RARB: variants seen among roughly 807,000 people sequenced by gnomAD.
The protein encoded by RARB is HBV-activated protein.
RARB carries 17 observed loss-of-function variants against 51.9 expected under a neutral mutation model. The observed-to-expected ratio is 0.33, with a 90% CI of 0.22 to 0.49. The LOEUF (loss-of-function observed/expected upper bound fraction) is 0.49, where lower values mean the gene tolerates loss of function less well. Among genes scored for constraint, RARB ranks in the 20% least tolerant of loss-of-function variants. The probability of loss-of-function intolerance (pLI) is 0.99; values close to 1 mark genes in which losing one functional copy is unlikely to be tolerated. For missense variants in RARB, 369 were observed against 550.8 expected, an observed-to-expected ratio of 0.67 and a Z score of 3.30; for synonymous variants, 215 against 195.4, an observed-to-expected ratio of 1.10 and a Z score of -0.84.
At chr3:25,526,791 G>A (rs1431116061) in intron 3 of RARB, among the ~76,000 whole-genome samples, 1 of 152,102 alleles carries the variant, frequency 6.6e-6, no homozygotes, top group African/African-American at 2.4e-5. Flanking sequence ...ATCTAAGCTG[G>A]TACTTAGCGG....
intron 1 of RARB, among the ~76,000 whole-genome samples, chr3:24,844,640 T>G (rs1166446769): frequency 1.3e-5 from 2 of 152,354 alleles, no homozygotes; most frequent in East Asian, 3.9e-4. Context: ...TGAATTGTAC[T>G]GCATGACCTT....
chr3:25,066,064 G>GT (rs1391792001), intron 3 of RARB, among the ~76,000 whole-genome samples: 4 of 152,250 alleles, frequency 2.6e-5, no homozygotes, highest in Non-Finnish European at 4.4e-5. Flanking sequence ...ATAAACAGGT[G>GT]TTTTTTTCTG....
chr3:25,178,457 G>C (rs968421148), intron 5 of RARB, among the ~76,000 whole-genome samples: 7 of 152,022 alleles, frequency 4.6e-5, no homozygotes, highest in African/African-American at 1.7e-4. Flanking sequence ...TACAGATAAA[G>C]ACCAGGAGGC....
At chr3:25,405,965 T>TTGA (rs3074645) in intron 5 of RARB, among the ~76,000 whole-genome samples, 1 of 151,868 alleles carries the variant, frequency 6.6e-6, no homozygotes, top group South Asian at 2.1e-4. Context: ...ACATGTTTGG[T>TTGA]CATTAGTAGC....
chr3:25,266,569 T>C (rs945106836), intron 5 of RARB, among the ~76,000 whole-genome samples: 5 of 152,222 alleles, frequency 3.3e-5, no homozygotes, highest in Non-Finnish European at 7.3e-5. Flanking sequence ...TTATCAGACT[T>C]TGTTGTCGTA....
At chr3:25,216,735 A>G (rs1701842148) in intron 5 of RARB, among the ~76,000 whole-genome samples, 1 of 151,000 alleles carries the variant, frequency 6.6e-6, no homozygotes, top group African/African-American at 2.4e-5. Context: ...TAGGTACTAC[A>G]TATATATATA....
At chr3:25,560,503 C>T (rs568864623) in intron 3 of RARB, among the ~76,000 whole-genome samples, 1 of 152,290 alleles carries the variant, frequency 6.6e-6, no homozygotes, top group African/African-American at 2.4e-5. Flanking sequence ...TCTCAGAAAA[C>T]GTTGAATCCC....
chr3:25,230,174 A>G (rs538654770), intron 5 of RARB, among the ~76,000 whole-genome samples: 2 of 152,244 alleles, frequency 1.3e-5, no homozygotes, highest in East Asian at 3.9e-4. Flanking sequence ...CACATTCTAA[A>G]AATAACTATT....
chr3:25,007,954 T>C (rs1697311897), intron 2 of RARB, among the ~76,000 whole-genome samples: 1 of 152,112 alleles, frequency 6.6e-6, no homozygotes, highest in African/African-American at 2.4e-5. Flanking sequence ...TGATGATCAT[T>C]GTATGCCTGA....
chr3:24,924,149 T>C (rs903178135), intron 2 of RARB, among the ~76,000 whole-genome samples: 1 of 152,152 alleles, frequency 6.6e-6, no homozygotes, highest in Non-Finnish European at 1.5e-5. Flanking sequence ...TCTATTTTTG[T>C]AGGAGTTTGG....
At chr3:25,261,843 C>T (rs1333189441) in intron 5 of RARB, among the ~76,000 whole-genome samples, 1 of 152,088 alleles carries the variant, frequency 6.6e-6, no homozygotes, top group Non-Finnish European at 1.5e-5. Context: ...TCTTATGGGG[C>T]ACTATTCCCA....
rs753642652 is a variant in RARB at position 25,117,170 on chromosome 3, G to A, written c.-327-14991G>A. 5.9e-5 allele frequency among the ~76,000 whole-genome samples: 9 copies of A among 152,234 alleles called. No homozygotes were observed. In the South Asian group the frequency reaches 1.0e-3, roughly 18 times the overall value. On this transcript the variant is annotated intron_variant, in intron 3 of 11. Coordinates refer to the RARB transcript ENST00000383772. Reference sequence around the variant, plus strand: ...AATAAACAGGGCAGATAGAGCCCGCGTCCTACAGCATGGCAGAGAACAAAC... The same window carrying A: ...AATAAACAGGGCAGATAGAGCCCGCATCCTACAGCATGGCAGAGAACAAAC...
chr3:25,147,105 A>G (rs1700205982), intron 4 of RARB, among the ~76,000 whole-genome samples: 1 of 152,084 alleles, frequency 6.6e-6, no homozygotes, highest in Admixed American at 6.6e-5. Context: ...GTGTTTCTAA[A>G]CTCACGTGAA....
Position 25,188,527 on chromosome 3 carries a change from C to T in RARB, c.178+13952C>T, listed in dbSNP as rs527689160. Among the ~76,000 whole-genome samples the T allele has an allele frequency of 3.2e-3, 486 of 152,150 alleles. 1 individual carries two copies. Among genetic ancestry groups the T allele is most frequent in the African/African-American group, 9.8e-3 (407 of 41,532 alleles). On this transcript the variant is annotated intron_variant, in intron 5 of 11. Transcript: ENST00000383772. ...TTAACTTCTAAGCTAAGGTCCTGAT[C>T]GTGCAGTGGTAAAATTTCCAAGGAG...
intron 2 of RARB, among the ~76,000 whole-genome samples, chr3:24,902,052 G>T (rs756665340): frequency 6.6e-6 from 1 of 151,560 alleles, no homozygotes; most frequent in Non-Finnish European, 1.5e-5. Flanking sequence ...CATAAGGAAA[G>T]AACAGCAAAG....
At chr3:25,456,614 G>C (rs1694922553) in intron 1 of RARB, among the ~76,000 whole-genome samples, 1 of 106,272 alleles carries the variant, frequency 9.4e-6, no homozygotes, top group South Asian at 3.6e-4. Context: ...AGGCCACATA[G>C]AGGAAATAAA....
At chr3:25,427,189 T>C (rs1488195168), upstream of RARB, among the ~76,000 whole-genome samples, 2 of 152,208 alleles carry the variant, frequency 1.3e-5, no homozygotes, top group Non-Finnish European at 2.9e-5. Context: ...AGCTGGGTTC[T>C]AGTCACAGCT....
At chr3:25,071,877 T>C (rs969567782) in intron 3 of RARB, among the ~76,000 whole-genome samples, 2 of 152,124 alleles carry the variant, frequency 1.3e-5, no homozygotes, top group African/African-American at 4.8e-5. Context: ...CTACTTGGGG[T>C]TAAAAAAAAA....
intron 5 of RARB, among the ~76,000 whole-genome samples, chr3:25,358,470 A>G (rs1056739261): frequency 6.6e-6 from 1 of 152,088 alleles, no homozygotes; most frequent in African/African-American, 2.4e-5. Context: ...AAAACCCTTT[A>G]TTTCTTTCTC....
Sources: allele counts gnomAD v4.1 joint callset (sites outside exome capture counted in the v4.1 genomes callset), GRCh38; gene constraint gnomAD v4.1.1; transcripts MANE v1.5; gene names NCBI Gene and HGNC (gene_info 2026-07-23, HGNC 2026-07-21).